The following AKTIP variants were observed in gnomAD, a reference collection of about 807,000 sequenced individuals.
AKTIP encodes AKT interacting protein.
AKTIP carries 16 observed loss-of-function variants against 39.1 expected under a neutral mutation model. The ratio of observed to expected loss-of-function variants is 0.41; its 90% CI spans 0.28 to 0.62. AKTIP has a LOEUF of 0.62. Among genes scored for constraint, AKTIP ranks in the 20% least tolerant of loss-of-function variants. AKTIP has a pLI of 0.32. For missense variants in AKTIP, 262 were observed against 356.6 expected (o/e 0.73, Z 2.14); for synonymous variants, 93 against 124.3 (o/e 0.75, Z 1.67).
chr16:53,494,422 A>G lies in AKTIP; in HGVS notation c.519T>C (p.His173=), dbSNP rs1961697437. ...TTGCATACATTAATACCTGCCAAAT[A>G]TGATTATGGTTCCGCCTAAAGGGAA... ...AFAKWRRNHN[H]IWQVLMYARR... The change falls in exon 7 of 10, where the codon CAT becomes CAC. Residue 173 remains histidine, a synonymous_variant. Transcript: ENST00000394657. 1.9e-6 allele frequency: 3 copies of G among 1,614,152 alleles called. No homozygotes were observed. The East Asian group carries it at 6.7e-5, about 36-fold the overall frequency.
chr16:53,500,898 T>G (rs1252021804), intron 1 of AKTIP, among the ~76,000 whole-genome samples: 1 of 152,198 alleles, frequency 6.6e-6, no homozygotes, highest in Non-Finnish European at 1.5e-5. Context: ...GGATTCAGAT[T>G]ACTCAGTGAC....
intron 3 of AKTIP, among the ~76,000 whole-genome samples, chr16:53,497,601 C>T (rs901642025): frequency 4.6e-5 from 7 of 152,180 alleles, no homozygotes; most frequent in African/African-American, 7.2e-5. Context: ...GCCTACAAGG[C>T]GACAACCAAA....
intron 1 of AKTIP, among the ~76,000 whole-genome samples, chr16:53,500,674 G>C (rs180671745): frequency 6.6e-6 from 1 of 152,110 alleles, no homozygotes; most frequent in African/African-American, 2.4e-5. Context: ...CACCACGCCC[G>C]GCCAACAGTT....
rs373543882 is a variant in AKTIP at position 53,498,607 on chromosome 16, T to G, written c.43-11A>C. ...TTCACCTTCAGATCGCTATACAAGATGAAGTTGTAAGAATATCTGTTAGGA... is the reference window on the plus strand; with the variant it reads ...TTCACCTTCAGATCGCTATACAAGAGGAAGTTGTAAGAATATCTGTTAGGA... On this transcript the variant is annotated splice_polypyrimidine_tract_variant and intron_variant, in intron 2 of 9. Transcript: ENST00000394657. The G allele has an allele frequency of 2.5e-6, 4 of 1,612,890 alleles. No individual in the cohort carries two copies. The highest frequency in any genetic ancestry group is 3.4e-6 in the Non-Finnish European group (4 of 1,178,828).
At position 53,498,431 on chromosome 16, in the gene AKTIP, A is replaced by G; in HGVS notation, c.208T>C (p.Tyr70His). 1 of 1,613,994 alleles carries G rather than the reference A, an allele frequency of 6.2e-7. No homozygotes were observed. Residue 70 changes from tyrosine to histidine, a missense_variant, in exon 3 of 10, where the codon TAT becomes CAT. By Grantham distance (83) the Tyr-to-His change is moderately conservative. Coordinates refer to ENST00000394657, the MANE Select transcript of AKTIP (RefSeq NM_022476.4). Reference protein sequence around the residue: ...AQSTNGTHASYGPFYLEYSLL... With the variant: ...AQSTNGTHASHGPFYLEYSLL... The stretch of plus-strand genomic sequence containing the variant: ...GAGTATTCCAGGTAGAAGGGTCCAT[A>G]GGACGCATGCGTGCCATTTGTTGAC...
Position 53,498,827 on chromosome 16 carries a change from T to C in AKTIP, c.43-231A>G, listed in dbSNP as rs1026467922. 4.6e-5 allele frequency among the ~76,000 whole-genome samples: 7 copies of C among 152,330 alleles called. No individual in the cohort carries two copies. In the South Asian group the frequency reaches 1.2e-3, roughly 27 times the overall value. ...CTCTTTCATATAGGGAAACTCATCC[T>C]ATAAGGATGATACAATCAGTGTGTA... On this transcript the variant is annotated intron_variant, in intron 2 of 9. Transcript: ENST00000394657.
At chr16:53,502,382 C>T (rs183717785) in intron 1 of AKTIP, among the ~76,000 whole-genome samples, 1 of 152,304 alleles carries the variant, frequency 6.6e-6, no homozygotes, top group Non-Finnish European at 1.5e-5. Flanking sequence ...TGTTTGGCCA[C>T]GGCTGCATTC....
At chr16:53,498,321 C>T in intron 3 of AKTIP, 70 bp downstream of exon 3, 1 of 1,500,714 alleles carries the variant, frequency 6.7e-7, no homozygotes, top group Non-Finnish European at 9.3e-7. Context: ...CTGCATCCAT[C>T]AGAATAAATT....
At position 53,500,282 on chromosome 16, in the gene AKTIP, A is replaced by G. The variant is rs1436100622; in HGVS notation, c.-23T>C. 1 of 1,610,722 alleles carries G rather than the reference A, an allele frequency of 6.2e-7. No individual in the cohort carries two copies. The highest frequency in any genetic ancestry group is 1.7e-5 in the Admixed American group (1 of 59,444). ...CATAACGTGTATTCCAAACAAAGAA[A>G]GTCAGTGGTGTATCATCCAAATCTT... On this transcript the variant is annotated 5_prime_UTR_variant, in exon 2 of 10. Transcript: ENST00000394657.
intron 1 of AKTIP, among the ~76,000 whole-genome samples, chr16:53,502,293 T>A (rs1962212246): frequency 6.6e-6 from 1 of 152,224 alleles, no homozygotes; most frequent in Non-Finnish European, 1.5e-5. Flanking sequence ...ACAGCATACA[T>A]GTTCTGAGAG....
chr16:53,494,732 C>G (rs1371497606), intron 5 of AKTIP, 127 bp from the exon 6 acceptor site: 4 of 921,392 alleles, frequency 4.3e-6, no homozygotes, highest in Non-Finnish European at 6.7e-6. Flanking sequence ...AGAGCTGCCT[C>G]AAGAGGGCTA....
At chr16:53,503,563 G>A (rs1430645115), upstream of AKTIP, among the ~76,000 whole-genome samples, 2 of 152,218 alleles carry the variant, frequency 1.3e-5, no homozygotes, top group Non-Finnish European at 2.9e-5. Context: ...GGTCACAATT[G>A]GCCAGGGCGT....
At chr16:53,500,458 A>G (rs1598161057) in intron 1 of AKTIP, 129 bp from the exon 2 acceptor site, 1 of 426,548 alleles carries the variant, frequency 2.3e-6, no homozygotes, top group East Asian at 4.8e-5. Context: ...GCTCACTGCA[A>G]CCTCCACCTC....
At chr16:53,500,752 G>A (rs1962120397) in intron 1 of AKTIP, among the ~76,000 whole-genome samples, 1 of 152,148 alleles carries the variant, frequency 6.6e-6, no homozygotes. Flanking sequence ...TATATAACAA[G>A]GGGTTATAAA....
At position 53,494,345 on chromosome 16, in the gene AKTIP, G is replaced by A. The variant is rs1961692143; in HGVS notation, c.596C>T (p.Ala199Val). Reference protein sequence around the residue: ...DTASPLNPEAAVLYEKDIQLF... With the variant: ...DTASPLNPEAVVLYEKDIQLF... ...CAAAGCAAAAGTTACATACAGTACTGCAGCCTCTGGGTTCAGGGGGCTTGC... is the reference window on the plus strand; with the variant it reads ...CAAAGCAAAAGTTACATACAGTACTACAGCCTCTGGGTTCAGGGGGCTTGC... The change falls in exon 7 of 10, where the codon GCA (alanine) becomes GTA (valine). Residue 199 changes from alanine (A) to valine (V), a missense_variant. Coordinates refer to ENST00000394657, the MANE Select transcript of AKTIP (RefSeq NM_022476.4). The A allele has an allele frequency of 6.2e-7, 1 of 1,613,866 alleles. No individual in the cohort carries two copies. Among genetic ancestry groups the A allele is most frequent in the African/African-American group, 1.3e-5 (1 of 74,906 alleles).
chr16:53,503,084 G>A (rs1241452515), intron 1 of AKTIP, 63 bp downstream of exon 1: 1 of 152,312 alleles, frequency 6.6e-6, no homozygotes, highest in Admixed American at 6.5e-5. Context: ...GGAGGCTGGC[G>A]GCCAGATTTA....
chr16:53,496,919 C>A (rs1286554644), intron 3 of AKTIP, among the ~76,000 whole-genome samples: 1 of 152,182 alleles, frequency 6.6e-6, no homozygotes, highest in Non-Finnish European at 1.5e-5. Context: ...GATCCTCCCA[C>A]TTCAGCCTCC....
At chr16:53,499,449 GT>G (rs56138099) in intron 2 of AKTIP, among the ~76,000 whole-genome samples, 55,567 of 130,496 alleles carry the variant, frequency 0.43, 9,138 homozygotes, top group Middle Eastern at 0.59. Flanking sequence ...TGAGATTATA[GT>G]TTTTTTTTTT....
At chr16:53,500,361 G>A in intron 1 of AKTIP, 32 bp from the exon 2 acceptor site, 1 of 1,448,480 alleles carries the variant, frequency 6.9e-7, no homozygotes, top group Non-Finnish European at 9.3e-7. Context: ...ATAGAAACAT[G>A]CCAACACCAA....
Sources: allele counts gnomAD v4.1 joint callset (sites outside exome capture counted in the v4.1 genomes callset), GRCh38; gene constraint gnomAD v4.1.1; transcripts MANE v1.5; gene names NCBI Gene and HGNC (gene_info 2026-07-23, HGNC 2026-07-21).